UNC45B: variants seen among roughly 807,000 people sequenced by gnomAD.
The protein encoded by UNC45B is protein unc-45 homolog B.
UNC45B carries 78 observed loss-of-function variants against 98.7 expected under a neutral mutation model. The ratio of observed to expected loss-of-function variants is 0.79; its 90% CI spans 0.66 to 0.95. UNC45B has a LOEUF of 0.95. Ranked by LOEUF, UNC45B falls within the 40% of genes least tolerant of loss-of-function variation. The pLI, the probability that UNC45B is intolerant of heterozygous loss-of-function variation, is 0.00. For synonymous variants in UNC45B, 462 were observed against 480.4 expected (o/e 0.96, Z 0.50); for missense variants, 1,225 against 1,184.9 (o/e 1.03, Z -0.50).
At chr17:35,171,827 G>T (rs1474123515) in intron 13 of UNC45B, among the ~76,000 whole-genome samples, 1 of 152,120 alleles carries the variant, frequency 6.6e-6, no homozygotes, top group Non-Finnish European at 1.5e-5. Context: ...TGTGACATGG[G>T]TGCTAAGTAG....
At chr17:35,165,504 A>C (rs955373527) in intron 9 of UNC45B, among the ~76,000 whole-genome samples, 3 of 152,212 alleles carry the variant, frequency 2.0e-5, no homozygotes, top group Admixed American at 2.0e-4. Context: ...TAGGTGGGTG[A>C]AGACGTTGCC....
chr17:35,170,355 C>T, intron 12 of UNC45B, 100 bp downstream of exon 12: 2 of 1,353,642 alleles, frequency 1.5e-6, no homozygotes, highest in Non-Finnish European at 2.0e-6. Flanking sequence ...TGGCTCTACT[C>T]CTTACCCCTG....
chr17:35,163,927 T>A (rs910831938), intron 8 of UNC45B, 68 bp from the exon 9 acceptor site: 4 of 1,464,272 alleles, frequency 2.7e-6, no homozygotes, highest in Non-Finnish European at 2.7e-6. Flanking sequence ...AACAAGTCAC[T>A]GAGTGAGGGG....
chr17:35,186,663 C>T lies in UNC45B; in HGVS notation c.*104C>T. On this transcript the variant is annotated 3_prime_UTR_variant, in exon 20 of 20. Coordinates refer to ENST00000394570, the MANE Select transcript of UNC45B (RefSeq NM_001267052.2). ...GGTCATCTAGGGATCATAGCAGTGA[C>T]AATGAAGTCTCAATATAAAGGAAAG... 7.6e-7 allele frequency: 1 copy of T among 1,314,764 alleles called. No homozygotes were observed. The highest frequency in any genetic ancestry group is 1.0e-6 in the Non-Finnish European group (1 of 953,724). The allele number at this position is 1,314,764 out of a possible 1,614,324, so 81.4% of individuals were successfully genotyped here. A position where few individuals can be genotyped will look rare whatever the true frequency, so the allele number is the denominator to read the frequency against.
chr17:35,177,459 C>A (rs756693415), intron 16 of UNC45B, 36 bp from the exon 17 acceptor site: 2 of 1,498,710 alleles, frequency 1.3e-6, no homozygotes, highest in East Asian at 4.9e-5. Flanking sequence ...GGAACAAAGT[C>A]CTCACCTGAC....
chr17:35,163,081 A>C (rs1261488822), intron 8 of UNC45B, among the ~76,000 whole-genome samples: 1 of 152,090 alleles, frequency 6.6e-6, no homozygotes, highest in Non-Finnish European at 1.5e-5. Context: ...TGACTTCTCT[A>C]AGTCTTGTTT....
chr17:35,163,927 T>G, intron 8 of UNC45B, 68 bp from the exon 9 acceptor site: 3 of 1,464,390 alleles, frequency 2.0e-6, no homozygotes, highest in Non-Finnish European at 2.7e-6. Context: ...AACAAGTCAC[T>G]GAGTGAGGGG....
At chr17:35,166,086 T>TAAAAAAAAAAAAAA (rs55844448) in intron 9 of UNC45B, among the ~76,000 whole-genome samples, 27 of 58,106 alleles carry the variant, frequency 4.6e-4, no homozygotes, top group South Asian at 7.3e-4. Context: ...CCCTCATCTC[T>TAAAAAAAAAAAAAA]AAAAAAAAAA....
intron 19 of UNC45B, among the ~76,000 whole-genome samples, chr17:35,185,390 T>A (rs2092297632): frequency 6.6e-6 from 1 of 151,994 alleles, no homozygotes; most frequent in African/African-American, 2.4e-5. Flanking sequence ...TCACTGCAAC[T>A]TCCACCTCCT....
At position 35,175,089 on chromosome 17, in the gene UNC45B, G is replaced by GAAAGAAAGAA. The variant is rs2092222567; in HGVS notation, c.1958+724_1958+733dup. Among the ~76,000 whole-genome samples the GAAAGAAAGAA allele has an allele frequency of 3.4e-5, 4 of 117,798 alleles. No homozygotes were observed. The South Asian group carries it at 1.1e-3, about 32-fold the overall frequency. 77.3% of individuals were successfully genotyped at this position (117,798 alleles called of 152,430 possible). On this transcript the variant is annotated intron_variant, in intron 14 of 19. Coordinates refer to ENST00000394570, the MANE Select transcript of UNC45B (RefSeq NM_001267052.2). ...AAAGAAAGAAAGAAAGAAAGAAAGA[G>GAAAGAAAGAA]AAAGAAAGAAAAAAGAAAAGAAAGA... is the stretch of plus-strand genomic sequence containing the variant.
At chr17:35,179,652 C>A (rs966206574) in intron 17 of UNC45B, among the ~76,000 whole-genome samples, 13 of 151,682 alleles carry the variant, frequency 8.6e-5, no homozygotes, top group Admixed American at 8.6e-4. Context: ...ACCACAAGGA[C>A]AGAAAACCAA....
At chr17:35,154,959 T>C (rs1319146219) in intron 6 of UNC45B, among the ~76,000 whole-genome samples, 1 of 152,238 alleles carries the variant, frequency 6.6e-6, no homozygotes, top group African/African-American at 2.4e-5. Flanking sequence ...GCAAAGGCTA[T>C]GATATTTTAC....
At chr17:35,148,152 C>T in intron 1 of UNC45B, 112 bp from the exon 2 acceptor site, 1 of 1,238,286 alleles carries the variant, frequency 8.1e-7, no homozygotes, top group Non-Finnish European at 1.1e-6. Flanking sequence ...GCAGAATCCC[C>T]ACCATCCTCT....
intron 14 of UNC45B, among the ~76,000 whole-genome samples, chr17:35,175,056 G>GA (rs1227848248): frequency 2.8e-5 from 2 of 72,102 alleles, no homozygotes; most frequent in Non-Finnish European, 4.7e-5. Flanking sequence ...AGAAAGAAAG[G>GA]AAAGAAGAAA....
chr17:35,167,953 A>T (rs931006455), intron 9 of UNC45B, 108 bp from the exon 10 acceptor site: 2 of 1,109,624 alleles, frequency 1.8e-6, no homozygotes, highest in Non-Finnish European at 2.4e-6. Flanking sequence ...CACACAGCAC[A>T]TGAGTGGTGG....
chr17:35,168,052 T>G lies in UNC45B; in HGVS notation c.1152-9T>G. 6.8e-7 allele frequency: 1 copy of G among 1,480,484 alleles called. No individual in the cohort carries two copies. The highest frequency in any genetic ancestry group is 1.8e-4 in the Middle Eastern group (1 of 5,488). The allele number at this position is 1,480,484 out of a possible 1,614,324, so 91.7% of individuals were successfully genotyped here. A position where few individuals can be genotyped will look rare whatever the true frequency, so the allele number is the denominator to read the frequency against. ...CAGTTCTCTTGACCACCCTTGTCCTTTGTTTTAGGGGCAAGTTTGACCCCC... is the reference window on the plus strand; with the variant it reads ...CAGTTCTCTTGACCACCCTTGTCCTGTGTTTTAGGGGCAAGTTTGACCCCC... On this transcript the variant is annotated splice_polypyrimidine_tract_variant and intron_variant, in intron 9 of 19. Transcript: ENST00000394570.
chr17:35,163,916 T>C, intron 8 of UNC45B, 79 bp from the exon 9 acceptor site: 1 of 1,435,532 alleles, frequency 7.0e-7, no homozygotes, highest in Admixed American at 2.3e-5. Flanking sequence ...AAGCTGATGA[T>C]AACAAGTCAC....
intron 8 of UNC45B, among the ~76,000 whole-genome samples, chr17:35,162,456 T>C (rs776463845): frequency 6.6e-6 from 1 of 152,194 alleles, no homozygotes; most frequent in Non-Finnish European, 1.5e-5. Flanking sequence ...AGGCGCTTTC[T>C]TTTTCTTTTT....
intron 10 of UNC45B, among the ~76,000 whole-genome samples, chr17:35,168,686 G>A (rs1056410780): frequency 6.6e-6 from 1 of 152,146 alleles, no homozygotes; most frequent in Admixed American, 6.6e-5. Context: ...TTTCTATAAG[G>A]TATTTTTTTT....
Sources: allele counts gnomAD v4.1 joint callset (sites outside exome capture counted in the v4.1 genomes callset), GRCh38; gene constraint gnomAD v4.1.1; transcripts MANE v1.5; gene names NCBI Gene and HGNC (gene_info 2026-07-23, HGNC 2026-07-21).